Variants in TLL1 observed in about 807,000 individuals in gnomAD.
TLL1 encodes the protein tolloid like 1.
A neutral mutation model predicts 128.2 loss-of-function variants in TLL1; 49 were observed. The observed-to-expected ratio is 0.38, with a 90% CI of 0.30 to 0.48. The LOEUF (loss-of-function observed/expected upper bound fraction) is 0.48, where lower values mean the gene tolerates loss of function less well. Among genes scored for constraint, TLL1 ranks in the 20% least tolerant of loss-of-function variants. The probability of loss-of-function intolerance (pLI) is 0.96; values close to 1 mark genes in which losing one functional copy is unlikely to be tolerated. For synonymous variants in TLL1, 454 were observed against 418.8 expected, an observed-to-expected ratio of 1.08 and a Z score of -1.03; for missense variants, 1,123 against 1,242.0, an observed-to-expected ratio of 0.90 and a Z score of 1.44.
At chr4:166,015,259 A>G (rs942959741) in intron 8 of TLL1, among the ~76,000 whole-genome samples, 4 of 152,030 alleles carry the variant, frequency 2.6e-5, no homozygotes, top group African/African-American at 9.7e-5. Context: ...ACTTTGCATA[A>G]CACAGTCTTT....
At chr4:166,055,749 G>T (rs1486117619) in intron 13 of TLL1, among the ~76,000 whole-genome samples, 1 of 152,062 alleles carries the variant, frequency 6.6e-6, no homozygotes, top group East Asian at 1.9e-4. Flanking sequence ...TCTCTGATCA[G>T]CTTTGATTTT....
At chr4:166,065,376 C>T (rs879332913) in intron 15 of TLL1, among the ~76,000 whole-genome samples, 16 of 151,986 alleles carry the variant, frequency 1.1e-4, no homozygotes, top group Non-Finnish European at 1.8e-4. Flanking sequence ...TGGACTAAGC[C>T]GAACTCCTTG....
At chr4:166,057,371 TTC>T in intron 14 of TLL1, 62 bp downstream of exon 14, 2 of 1,584,064 alleles carry the variant, frequency 1.3e-6, no homozygotes, top group Non-Finnish European at 1.7e-6. Context: ...TATATTCTCA[TTC>T]TCTGTCTGTC....
chr4:166,026,067 G>A (rs1004778159), intron 9 of TLL1, among the ~76,000 whole-genome samples: 1 of 152,112 alleles, frequency 6.6e-6, no homozygotes, highest in African/African-American at 2.4e-5. Context: ...TTGATAGTTT[G>A]AATTGATTAA....
At chr4:165,920,542 T>C (rs1309243466) in intron 1 of TLL1, among the ~76,000 whole-genome samples, 2 of 152,162 alleles carry the variant, frequency 1.3e-5, no homozygotes, top group Admixed American at 1.3e-4. Flanking sequence ...TGTTTATTTG[T>C]GAGAAATTGT....
rs1560998698 is a variant in TLL1, at chr4:165,873,815, G to A, written c.-90G>A. On this transcript the variant is annotated 5_prime_UTR_variant, in exon 1 of 21. Transcript: ENST00000061240. ...GAGGAGCCTCCGGGTGGGGAGAAGA[G>A]CACCGGTGCCCCTAGCCCCGCACAT... 3 of 1,487,426 alleles carry A rather than the reference G, an allele frequency of 2.0e-6. No homozygotes were observed. The highest frequency in any genetic ancestry group is 2.4e-4 in the Middle Eastern group (1 of 4,154). The allele number at this position is 1,487,426 out of a possible 1,614,324, so 92.1% of individuals were successfully genotyped here.
intron 1 of TLL1, among the ~76,000 whole-genome samples, chr4:165,928,898 A>AT (rs1004671590): frequency 6.6e-6 from 1 of 151,970 alleles, no homozygotes; most frequent in Non-Finnish European, 1.5e-5. Flanking sequence ...AAAGTGTCTG[A>AT]TTTTTTTTCC....
At chr4:165,976,936 T>C (rs1735911320) in intron 1 of TLL1, among the ~76,000 whole-genome samples, 1 of 152,174 alleles carries the variant, frequency 6.6e-6, no homozygotes, top group Admixed American at 6.5e-5. Flanking sequence ...CTTTAGCTCA[T>C]CATCTATAGT....
At chr4:165,931,382 T>C (rs969858314) in intron 1 of TLL1, among the ~76,000 whole-genome samples, 2 of 152,148 alleles carry the variant, frequency 1.3e-5, no homozygotes, top group African/African-American at 4.8e-5. Flanking sequence ...TGGGTTTACT[T>C]TTCTCATCCT....
At chr4:165,880,276 ATCCTG>A (rs1730919005) in intron 1 of TLL1, among the ~76,000 whole-genome samples, 1 of 152,194 alleles carries the variant, frequency 6.6e-6, no homozygotes, top group Non-Finnish European at 1.5e-5. Context: ...ATGTGTGCTA[ATCCTG>A]TCAAGCTGTT....
chr4:166,043,001 A>G (rs1739306518), intron 11 of TLL1, among the ~76,000 whole-genome samples: 1 of 152,196 alleles, frequency 6.6e-6, no homozygotes, highest in Non-Finnish European at 1.5e-5. Flanking sequence ...CAAAGCCACT[A>G]AAGGTTTTTA....
chr4:165,978,112 C>A (rs1233121753), intron 1 of TLL1, among the ~76,000 whole-genome samples: 2 of 152,030 alleles, frequency 1.3e-5, no homozygotes, highest in African/African-American at 2.4e-5. Context: ...TATTTAGAAG[C>A]CTTATTGCTT....
chr4:165,986,181 G>C (rs1001542174), intron 1 of TLL1, among the ~76,000 whole-genome samples: 1 of 151,860 alleles, frequency 6.6e-6, no homozygotes, highest in Non-Finnish European at 1.5e-5. Context: ...AAGTGGATTC[G>C]AGAATTTCAT....
At chr4:165,964,625 C>G (rs913909372) in intron 1 of TLL1, among the ~76,000 whole-genome samples, 2 of 152,134 alleles carry the variant, frequency 1.3e-5, no homozygotes, top group Non-Finnish European at 2.9e-5. Context: ...AAGATACTTT[C>G]CAAAAGTACA....
At position 165,947,345 on chromosome 4, in the gene TLL1, T is replaced by G. The variant is rs188539931; in HGVS notation, c.170-42036T>G. Reference sequence around the variant, plus strand: ...ATACAGCCACATTGGATGTTAGGGCTTCAACGTATTACTTTCCTTGGCTGG... The same window carrying G: ...ATACAGCCACATTGGATGTTAGGGCGTCAACGTATTACTTTCCTTGGCTGG... On this transcript the variant is annotated intron_variant, in intron 1 of 20. Transcript: ENST00000061240. 2.9e-3 allele frequency among the ~76,000 whole-genome samples: 448 copies of G among 152,210 alleles called. 6 individuals carry two copies. Among genetic ancestry groups the G allele is most frequent in the Admixed American group, 0.028 (421 of 15,262 alleles).
At chr4:166,019,540 G>A (rs990092925) in intron 8 of TLL1, among the ~76,000 whole-genome samples, 2 of 151,798 alleles carry the variant, frequency 1.3e-5, no homozygotes, top group African/African-American at 2.4e-5. Flanking sequence ...CTTTATTAGG[G>A]CATTTTATGG....
chr4:166,059,675 G>T (rs769659557), intron 14 of TLL1, among the ~76,000 whole-genome samples: 1 of 151,494 alleles, frequency 6.6e-6, no homozygotes, highest in Non-Finnish European at 1.5e-5. Flanking sequence ...CCTTAATTCT[G>T]TAGTGGCCAA....
At chr4:166,036,704 A>G (rs1739017338) in intron 9 of TLL1, among the ~76,000 whole-genome samples, 2 of 151,896 alleles carry the variant, frequency 1.3e-5, no homozygotes, top group South Asian at 4.1e-4. Flanking sequence ...CAGGCCAGTT[A>G]TGTTCCTCCA....
Position 166,091,424 on chromosome 4 carries a change from G to A in TLL1, c.2656+83G>A, listed in dbSNP as rs538939622. On this transcript the variant is annotated intron_variant, in intron 19 of 20. Coordinates refer to ENST00000061240, the MANE Select transcript of TLL1 (RefSeq NM_012464.5). ...GTGAATTTGGTTCAATAATAGGATT[G>A]TAAATAAATCTCCAAGCATAGCAGA... The A allele has an allele frequency of 2.4e-5, 28 of 1,178,608 alleles. No individual in the cohort carries two copies. The African/African-American group carries it at 4.1e-4, about 17-fold the overall frequency. The allele number at this position is 1,178,608 out of a possible 1,614,324, so 73.0% of individuals were successfully genotyped here.
Sources: allele counts gnomAD v4.1 joint callset (sites outside exome capture counted in the v4.1 genomes callset), GRCh38; gene constraint gnomAD v4.1.1; transcripts MANE v1.5; gene names NCBI Gene and HGNC (gene_info 2026-07-23, HGNC 2026-07-21).